Variants in KICS2 observed in about 807,000 individuals in gnomAD.
KICS2 encodes KICSTOR complex protein C12orf66.
KICS2 carries 13 observed loss-of-function variants against 31.4 expected under a neutral mutation model. The observed-to-expected ratio is 0.41, with a 90% CI of 0.27 to 0.66. The LOEUF is 0.66. Among genes scored for constraint, KICS2 ranks in the 30% least tolerant of loss-of-function variants. The pLI, the probability that KICS2 is intolerant of heterozygous loss-of-function variation, is 0.28. For synonymous variants in KICS2, 209 were observed against 214.8 expected, an observed-to-expected ratio of 0.97 and a Z score of 0.24; for missense variants, 455 against 545.4, an observed-to-expected ratio of 0.83 and a Z score of 1.65.
rs1234599647 is a variant in KICS2 at position 64,194,033 on chromosome 12, G to A, written c.1147C>T (p.His383Tyr). The A allele has an allele frequency of 6.2e-7, 1 of 1,614,150 alleles. No homozygotes were observed. Among genetic ancestry groups the A allele is most frequent in the Admixed American group, 1.7e-5 (1 of 60,012 alleles). Residue 383 changes from histidine to tyrosine, a missense_variant, in exon 3 of 3, where the codon CAC becomes TAC. His to Tyr is a moderately conservative substitution (Grantham distance 83, BLOSUM62 2). Coordinates refer to ENST00000398055, the MANE Select transcript of KICS2 (RefSeq NM_152440.5). ...CTCTGAACTTTGTCATCATAGAAGT[G>A]GACCACTTTCTCCAAGCTGTTCAGA... ...SDLNSLEKVV[H>Y]FYDDKVQSTY...
chr12:64,197,406 A>AT (rs1192754341), intron 2 of KICS2, among the ~76,000 whole-genome samples: 1 of 148,270 alleles, frequency 6.7e-6, no homozygotes, highest in Non-Finnish European at 1.5e-5. Context: ...ATGCTGAGAG[A>AT]TTTTGTCACC....
intron 2 of KICS2, among the ~76,000 whole-genome samples, chr12:64,213,571 C>T (rs772359871): frequency 3.3e-5 from 5 of 151,948 alleles, no homozygotes; most frequent in Non-Finnish European, 4.4e-5. Flanking sequence ...ATTTCCACCT[C>T]CCCCCCTTTT....
At chr12:64,216,619 A>C (rs1352459993) in intron 1 of KICS2, among the ~76,000 whole-genome samples, 4 of 152,202 alleles carry the variant, frequency 2.6e-5, no homozygotes, top group Non-Finnish European at 1.5e-5. Flanking sequence ...ATATGTTATA[A>C]ATAATAAGCA....
chr12:64,194,710 C>A, intron 2 of KICS2, 52 bp from the exon 3 acceptor site: 1 of 1,522,358 alleles, frequency 6.6e-7, no homozygotes, highest in Non-Finnish European at 8.8e-7. Flanking sequence ...TCACTTGCCA[C>A]ACTGACATTT....
In KICS2 at chr12:64,192,739, C is replaced by T. The variant is rs2037392215; in HGVS notation, c.*1103G>A. On this transcript the variant is annotated 3_prime_UTR_variant, in exon 3 of 3. Coordinates refer to ENST00000398055, the MANE Select transcript of KICS2 (RefSeq NM_152440.5). ...CTGATCCACCTACTTCCCATGAACA[C>T]CTGCCGAAGGAAAGAAATAAGGCAG... 2.0e-6 allele frequency: 2 copies of T among 985,290 alleles called. No individual in the cohort carries two copies. Among genetic ancestry groups the T allele is most frequent in the Middle Eastern group, 5.2e-4 (1 of 1,936 alleles). The allele number at this position is 985,290 out of a possible 1,614,324, so 61.0% of individuals were successfully genotyped here.
At chr12:64,215,601 G>T in intron 2 of KICS2, 77 bp downstream of exon 2, 1 of 1,224,682 alleles carries the variant, frequency 8.2e-7, no homozygotes, top group Non-Finnish European at 1.1e-6. Context: ...TTTCATAAGA[G>T]TGTGGAGAAA....
Position 64,222,016 on chromosome 12 carries a change from CA to C in KICS2, c.221del (p.Leu74ArgfsTer5). ...GGGCGGAGGTACCTAGTTTCTGCCC[CA>C]GGTAGGTGAGGCTGTGATAGACCTT... ...AEKVYHSLTYLGQKLGGQSFF... is the reference protein window; with the variant it reads ...AEKVYHSLTYXGQKLGGQSFF... On this transcript the variant is annotated frameshift_variant, in exon 1 of 3. Transcript: ENST00000398055. LOFTEE classifies it high-confidence loss of function. 6.2e-7 allele frequency: 1 copy of C among 1,613,592 alleles called. No individual in the cohort carries two copies. Among genetic ancestry groups the C allele is most frequent in the Non-Finnish European group, 8.5e-7 (1 of 1,179,804 alleles).
chr12:64,196,289 ACCC>A, intron 2 of KICS2, among the ~76,000 whole-genome samples: 1 of 43,776 alleles, frequency 2.3e-5, no homozygotes, highest in Non-Finnish European at 6.2e-5. Context: ...TGGGTTCCTG[ACCC>A]CTGACCCCCG....
Position 64,222,015 on chromosome 12 carries a change from C to T in KICS2, c.223G>A (p.Gly75Arg). Residue 75 changes from glycine (G) to arginine (R), a missense_variant, in exon 1 of 3, where the codon GGG becomes AGG. Physicochemically the swap from Gly to Arg is moderately radical, Grantham distance 125 (BLOSUM62 -2). Transcript: ENST00000398055. ...EKVYHSLTYL[G>R]QKLGGQSFFS... ...GGGGCGGAGGTACCTAGTTTCTGCC[C>T]CAGGTAGGTGAGGCTGTGATAGACC... 6.2e-7 allele frequency: 1 copy of T among 1,613,594 alleles called. No individual in the cohort carries two copies.
At position 64,193,017 on chromosome 12, in the gene KICS2, G is replaced by C; in HGVS notation, c.*825C>G. ...GCTTTTAAGCCTAAAAATAACCAAG[G>C]AGTAGAGCCAAACATGTACATTTCA... On this transcript the variant is annotated 3_prime_UTR_variant, in exon 3 of 3. Transcript: ENST00000398055. 1.0e-6 allele frequency: 1 copy of C among 985,448 alleles called. No individual in the cohort carries two copies. Among genetic ancestry groups the C allele is most frequent in the Non-Finnish European group, 1.2e-6 (1 of 829,930 alleles). The allele number at this position is 985,448 out of a possible 1,614,324, so 61.0% of individuals were successfully genotyped here.
intron 1 of KICS2, chr12:64,221,642 T>C: frequency 3.0e-6 from 1 of 330,190 alleles, no homozygotes; most frequent in Non-Finnish European, 5.7e-6. Context: ...CTAGGTTGTT[T>C]TGCAAAGTTT....
At chr12:64,209,499 C>T (rs2037566106) in intron 2 of KICS2, among the ~76,000 whole-genome samples, 3 of 152,080 alleles carry the variant, frequency 2.0e-5, no homozygotes. Flanking sequence ...TCAGGAGAAT[C>T]GCTTGAACCC....
At chr12:64,188,553 G>A (rs1263471542), downstream of KICS2, among the ~76,000 whole-genome samples, 1 of 151,638 alleles carries the variant, frequency 6.6e-6, no homozygotes, top group Admixed American at 6.6e-5. Context: ...AAGGAAAAGA[G>A]AGAGGAAAAG....
chr12:64,216,944 TA>T (rs1334804958), intron 1 of KICS2, among the ~76,000 whole-genome samples: 1 of 4,280 alleles, frequency 2.3e-4, no homozygotes. Flanking sequence ...TAGGAATATA[TA>T]AAAAAACTCA....
intron 1 of KICS2, among the ~76,000 whole-genome samples, chr12:64,220,148 T>C (rs1168493130): frequency 6.6e-6 from 1 of 152,200 alleles, no homozygotes; most frequent in Non-Finnish European, 1.5e-5. Context: ...GGAGCCCACC[T>C]AGGAACGTAA....
intron 2 of KICS2, among the ~76,000 whole-genome samples, chr12:64,212,982 T>G (rs1419791486): frequency 6.6e-6 from 1 of 151,196 alleles, no homozygotes; most frequent in Non-Finnish European, 1.5e-5. Context: ...TCACAGCTGC[T>G]TGGTGGGCTG....
intron 1 of KICS2, among the ~76,000 whole-genome samples, chr12:64,219,982 T>C (rs1044342592): frequency 6.6e-6 from 1 of 152,216 alleles, no homozygotes; most frequent in East Asian, 1.9e-4. Context: ...GGTAATTGTG[T>C]AGTCGTATTG....
At chr12:64,218,033 G>C (rs1312974941) in intron 1 of KICS2, among the ~76,000 whole-genome samples, 1 of 152,236 alleles carries the variant, frequency 6.6e-6, no homozygotes, top group African/African-American at 2.4e-5. Flanking sequence ...GGTTGGACAA[G>C]CTTGTTCCAA....
chr12:64,218,524 T>C (rs1209349836), intron 1 of KICS2, among the ~76,000 whole-genome samples: 1 of 152,222 alleles, frequency 6.6e-6, no homozygotes, highest in Non-Finnish European at 1.5e-5. Flanking sequence ...TATTTATAAC[T>C]GATACATTTT....
Sources: gnomAD v4.1 joint callset for allele counts (sites outside exome capture counted in the v4.1 genomes callset) on GRCh38, gnomAD v4.1.1 for gene constraint, MANE v1.5 for transcripts, NCBI Gene and HGNC (gene_info 2026-07-23, HGNC 2026-07-21) for gene names.